The following CRPPA variants were observed in gnomAD, a reference collection of about 807,000 sequenced individuals.
CRPPA encodes D-ribitol-5-phosphate cytidylyltransferase.
A neutral mutation model predicts 52.0 loss-of-function variants in CRPPA; 43 were observed. The observed-to-expected ratio is 0.83, with a 90% CI of 0.65 to 1.07. CRPPA has a LOEUF of 1.07. Ranked by LOEUF, CRPPA falls within the 50% of genes least tolerant of loss-of-function variation. CRPPA has a pLI of 0.00. For missense variants in CRPPA, 629 were observed against 551.7 expected (o/e 1.14, Z -1.40); for synonymous variants, 250 against 203.5 (o/e 1.23, Z -1.94).
chr7:16,248,970 G>T (rs962217663), intron 8 of CRPPA, among the ~76,000 whole-genome samples: 1 of 152,150 alleles, frequency 6.6e-6, no homozygotes, highest in Non-Finnish European at 1.5e-5. Flanking sequence ...AAGATCTATT[G>T]GCTTGAAATT....
intron 6 of CRPPA, chr7:16,270,620 C>T (rs1288491733): frequency 6.6e-6 from 1 of 151,902 alleles, no homozygotes; most frequent in Admixed American, 6.6e-5. Flanking sequence ...TGGTTTTTGG[C>T]TAGTTTCTAT....
At chr7:16,363,881 AATAT>A (rs1786521595) in intron 3 of CRPPA, among the ~76,000 whole-genome samples, 1 of 152,214 alleles carries the variant, frequency 6.6e-6, no homozygotes, top group Non-Finnish European at 1.5e-5. Flanking sequence ...CTATAAGTTC[AATAT>A]ACCTGACAGA....
chr7:16,096,757 T>C (rs1251692651), intron 9 of CRPPA, among the ~76,000 whole-genome samples: 1 of 152,146 alleles, frequency 6.6e-6, no homozygotes, highest in East Asian at 1.9e-4. Flanking sequence ...TCACTCTTTT[T>C]CTTGGTTACA....
At chr7:16,287,494 C>T (rs1784475434) in intron 5 of CRPPA, among the ~76,000 whole-genome samples, 1 of 152,124 alleles carries the variant, frequency 6.6e-6, no homozygotes, top group African/African-American at 2.4e-5. Context: ...CTGTGTTTCC[C>T]CCAAAATTAG....
At chr7:16,337,610 T>A (rs1785719551) in intron 3 of CRPPA, among the ~76,000 whole-genome samples, 1 of 152,026 alleles carries the variant, frequency 6.6e-6, no homozygotes, top group African/African-American at 2.4e-5. Flanking sequence ...ACTGTTTTTT[T>A]GCAAATTAGA....
chr7:16,221,105 C>T (rs1782486708), intron 8 of CRPPA, among the ~76,000 whole-genome samples: 1 of 152,140 alleles, frequency 6.6e-6, no homozygotes, highest in Non-Finnish European at 1.5e-5. Flanking sequence ...AGAAATCGAT[C>T]AATGGAACAG....
At chr7:16,369,965 G>A (rs545253042) in intron 3 of CRPPA, among the ~76,000 whole-genome samples, 18 of 152,296 alleles carry the variant, frequency 1.2e-4, no homozygotes, top group African/African-American at 4.3e-4. Flanking sequence ...CCAAACCACA[G>A]CAGAAGCTCT....
intron 3 of CRPPA, among the ~76,000 whole-genome samples, chr7:16,316,533 T>G (rs185142439): frequency 7.9e-5 from 12 of 152,246 alleles, no homozygotes; most frequent in African/African-American, 2.4e-4. Context: ...ATCAGTCTCA[T>G]GTTCTGGTGG....
intron 9 of CRPPA, among the ~76,000 whole-genome samples, chr7:16,130,858 G>A (rs1782668096): frequency 2.0e-5 from 3 of 152,052 alleles, no homozygotes; most frequent in Admixed American, 2.0e-4. Flanking sequence ...AGGCCTTTGG[G>A]GGGTGATTAG....
At chr7:16,204,219 G>A (rs887957936) in intron 9 of CRPPA, among the ~76,000 whole-genome samples, 4 of 152,084 alleles carry the variant, frequency 2.6e-5, no homozygotes, top group African/African-American at 7.2e-5. Context: ...CATCTACAAT[G>A]TCATAAGCAT....
chr7:16,237,745 T>C (rs1478652576), intron 8 of CRPPA, among the ~76,000 whole-genome samples: 1 of 152,236 alleles, frequency 6.6e-6, no homozygotes, highest in African/African-American at 2.4e-5. Context: ...TGCTGCTTTA[T>C]AGACTTCAAA....
chr7:16,399,744 C>A (rs1332903976), intron 2 of CRPPA, among the ~76,000 whole-genome samples: 1 of 151,958 alleles, frequency 6.6e-6, no homozygotes, highest in Non-Finnish European at 1.5e-5. Flanking sequence ...TGACATGTAA[C>A]TGACACGTTT....
rs536508527 is a variant in CRPPA, at chr7:16,397,658, T to G, written c.534+8403A>C. On this transcript the variant is annotated intron_variant, in intron 2 of 9. Transcript: ENST00000407010. ...TGACACGTGACACATGACTGACATGTGACTAAGACGTCACCGACAAACACG... is the reference window on the plus strand; with the variant it reads ...TGACACGTGACACATGACTGACATGGGACTAAGACGTCACCGACAAACACG... 4.6e-5 allele frequency among the ~76,000 whole-genome samples: 7 copies of G among 151,950 alleles called. No homozygotes were observed. In the East Asian group the frequency reaches 7.8e-4, roughly 17 times the overall value.
intron 2 of CRPPA, among the ~76,000 whole-genome samples, chr7:16,383,962 C>A (rs910594096): frequency 9.9e-5 from 15 of 152,230 alleles, no homozygotes; most frequent in African/African-American, 3.6e-4. Context: ...TGAGGCAATG[C>A]CTCGCCCTGC....
chr7:16,286,607 T>C (rs1354234542), intron 5 of CRPPA, among the ~76,000 whole-genome samples: 1 of 152,108 alleles, frequency 6.6e-6, no homozygotes, highest in African/African-American at 2.4e-5. Context: ...TCCAATAAGG[T>C]CCACCTCAAG....
chr7:16,158,283 T>C (rs1783230273), intron 9 of CRPPA, among the ~76,000 whole-genome samples: 1 of 152,140 alleles, frequency 6.6e-6, no homozygotes, highest in African/African-American at 2.4e-5. Flanking sequence ...CACCCTTTTA[T>C]TTCATATATT....
At chr7:16,331,063 C>A (rs1785539720) in intron 3 of CRPPA, among the ~76,000 whole-genome samples, 1 of 152,134 alleles carries the variant, frequency 6.6e-6, no homozygotes, top group South Asian at 2.1e-4. Context: ...GCAGGGGCGC[C>A]ATCTCGGCTC....
chr7:16,140,721 G>A (rs1387190787), intron 9 of CRPPA, among the ~76,000 whole-genome samples: 1 of 151,950 alleles, frequency 6.6e-6, no homozygotes, highest in Non-Finnish European at 1.5e-5. Flanking sequence ...AGTTTCAATG[G>A]GTATCAAAAA....
At chr7:16,406,803 C>A (rs1787964573) in intron 1 of CRPPA, among the ~76,000 whole-genome samples, 1 of 152,138 alleles carries the variant, frequency 6.6e-6, no homozygotes, top group African/African-American at 2.4e-5. Flanking sequence ...CACTTGAATA[C>A]CAACAAAGCT....
Sources: gnomAD v4.1 joint callset for allele counts (sites outside exome capture counted in the v4.1 genomes callset) on GRCh38, gnomAD v4.1.1 for gene constraint, MANE v1.5 for transcripts, NCBI Gene and HGNC (gene_info 2026-07-23, HGNC 2026-07-21) for gene names.